PDE4B: variants seen among roughly 807,000 people sequenced by gnomAD.
The protein encoded by PDE4B is 3',5'-cyclic-AMP phosphodiesterase 4B.
PDE4B carries 20 observed loss-of-function variants against 82.2 expected under a neutral mutation model. The observed-to-expected ratio is 0.24, with a 90% confidence interval of 0.17 to 0.35. PDE4B has a LOEUF of 0.35. Ranked by LOEUF, PDE4B falls within the 10% of genes least tolerant of loss-of-function variation. The probability of loss-of-function intolerance (pLI) is 1.00; values close to 1 mark genes in which losing one functional copy is unlikely to be tolerated. For synonymous variants in PDE4B, 320 were observed against 318.9 expected (o/e 1.00, Z -0.04); for missense variants, 655 against 907.2 (o/e 0.72, Z 3.57).
chr1:66,280,870 A>G (rs1031846657), intron 7 of PDE4B, among the ~76,000 whole-genome samples: 5 of 152,182 alleles, frequency 3.3e-5, no homozygotes, highest in Non-Finnish European at 7.3e-5. Context: ...TAGAGAAAAT[A>G]GCAGATTAAA....
chr1:66,190,537 G>T (rs4526587), intron 3 of PDE4B, among the ~76,000 whole-genome samples: 71,567 of 152,000 alleles, frequency 0.47, 18,482 homozygotes, highest in South Asian at 0.63. Context: ...GCAATGGCGG[G>T]CACCCCTCCC....
intron 7 of PDE4B, among the ~76,000 whole-genome samples, chr1:66,314,158 T>G (rs571077974): frequency 6.6e-6 from 1 of 152,322 alleles, no homozygotes; most frequent in South Asian, 2.1e-4. Flanking sequence ...TTCTCTGTTA[T>G]CCTATTGCTA....
chr1:66,091,583 C>A (rs1294690599), intron 3 of PDE4B, among the ~76,000 whole-genome samples: 1 of 151,962 alleles, frequency 6.6e-6, no homozygotes, highest in Non-Finnish European at 1.5e-5. Context: ...TCCATCTCTT[C>A]TAATTGACTG....
chr1:65,938,661 A>G (rs182679557), intron 3 of PDE4B, among the ~76,000 whole-genome samples: 1 of 152,346 alleles, frequency 6.6e-6, no homozygotes, highest in Non-Finnish European at 1.5e-5. Context: ...TGTACAAGTT[A>G]TTGTGGGAAT....
At chr1:66,211,367 T>A (rs1442061315) in intron 3 of PDE4B, among the ~76,000 whole-genome samples, 12 of 152,140 alleles carry the variant, frequency 7.9e-5, no homozygotes. Flanking sequence ...TCAAAACCTA[T>A]CCCCACTCTC....
At chr1:66,298,686 A>T (rs1243771430) in intron 7 of PDE4B, among the ~76,000 whole-genome samples, 1 of 152,120 alleles carries the variant, frequency 6.6e-6, no homozygotes, top group Non-Finnish European at 1.5e-5. Flanking sequence ...CAAGTCAGGT[A>T]TGTGTTGCAC....
chr1:66,152,030 A>G (rs919064589), intron 3 of PDE4B, among the ~76,000 whole-genome samples: 1 of 152,236 alleles, frequency 6.6e-6, no homozygotes, highest in African/African-American at 2.4e-5. Flanking sequence ...GTAAAAAGAC[A>G]CCATAAAAAC....
intron 3 of PDE4B, among the ~76,000 whole-genome samples, chr1:66,125,892 T>G (rs1645812198): frequency 6.6e-6 from 1 of 152,212 alleles, no homozygotes; most frequent in Admixed American, 6.5e-5. Flanking sequence ...CTGCAACTTC[T>G]GCTTCCCAGG....
At chr1:66,284,774 G>T (rs1186716392) in intron 7 of PDE4B, among the ~76,000 whole-genome samples, 1 of 152,180 alleles carries the variant, frequency 6.6e-6, no homozygotes, top group East Asian at 1.9e-4. Flanking sequence ...GTAGGGATAT[G>T]CAGGACATTA....
chr1:66,167,430 C>G (rs992793156), intron 3 of PDE4B, among the ~76,000 whole-genome samples: 6 of 151,984 alleles, frequency 3.9e-5, no homozygotes, highest in Admixed American at 2.0e-4. Context: ...GTGAAAGAAC[C>G]CATGCAATGT....
intron 7 of PDE4B, among the ~76,000 whole-genome samples, chr1:66,282,436 G>A (rs539512148): frequency 1.3e-5 from 2 of 152,310 alleles, no homozygotes; most frequent in East Asian, 3.9e-4. Context: ...GACACCCCCA[G>A]CCTCTGACAT....
At chr1:66,028,552 T>G in intron 3 of PDE4B, among the ~76,000 whole-genome samples, 1 of 152,202 alleles carries the variant, frequency 6.6e-6, no homozygotes, top group East Asian at 1.9e-4. Flanking sequence ...GTTTTTCTTT[T>G]CTATTGCATA....
intron 3 of PDE4B, among the ~76,000 whole-genome samples, chr1:66,150,484 T>C (rs1032568255): frequency 5.3e-5 from 8 of 152,230 alleles, no homozygotes; most frequent in Admixed American, 1.3e-4. Flanking sequence ...TCTCCAAATA[T>C]AAATTGTTTT....
intron 8 of PDE4B, among the ~76,000 whole-genome samples, chr1:66,339,834 GT>G (rs1198213420): frequency 7.6e-4 from 98 of 129,408 alleles, no homozygotes; most frequent in African/African-American, 2.8e-3. Flanking sequence ...GTTTTTTTTT[GT>G]TTGTTTTTTT....
intron 1 of PDE4B, among the ~76,000 whole-genome samples, chr1:65,845,953 T>C (rs1488577480): frequency 6.6e-6 from 1 of 152,206 alleles, no homozygotes; most frequent in Admixed American, 6.5e-5. Context: ...AGCCACACTG[T>C]ATCTTAGTAT....
At chr1:66,026,002 A>AT (rs1401356503) in intron 3 of PDE4B, among the ~76,000 whole-genome samples, 1 of 152,166 alleles carries the variant, frequency 6.6e-6, no homozygotes, top group Non-Finnish European at 1.5e-5. Context: ...TAATATAATT[A>AT]TTTTTCTGGT....
chr1:65,797,536 T>G (rs1287420971), intron 1 of PDE4B, among the ~76,000 whole-genome samples: 1 of 152,164 alleles, frequency 6.6e-6, no homozygotes, highest in Non-Finnish European at 1.5e-5. Flanking sequence ...TTAGTCTGCC[T>G]GGTTTGTCTG....
intron 3 of PDE4B, among the ~76,000 whole-genome samples, chr1:65,945,747 A>G (rs12568672): frequency 0.045 from 6,872 of 152,066 alleles, 500 homozygotes; most frequent in East Asian, 0.36. Context: ...ATTTGCTGAC[A>G]TATCTGGCCC....
chr1:66,331,919 G>T (rs957594045), intron 7 of PDE4B: 42 of 992,332 alleles, frequency 4.2e-5, no homozygotes, highest in Middle Eastern at 5.1e-4. Context: ...ACTTGTGCGG[G>T]TCAGTGTTCG....
Sources: allele counts gnomAD v4.1 joint callset (sites outside exome capture counted in the v4.1 genomes callset), GRCh38; gene constraint gnomAD v4.1.1; transcripts MANE v1.5; gene names NCBI Gene and HGNC (gene_info 2026-07-23, HGNC 2026-07-21).